KCNC4: variants seen among roughly 807,000 people sequenced by gnomAD.
KCNC4 encodes voltage-gated potassium channel KCNC4.
A neutral mutation model predicts 42.8 loss-of-function variants in KCNC4; 23 were observed. The observed-to-expected ratio is 0.54, with a 90% CI of 0.39 to 0.76. KCNC4 has a LOEUF of 0.76. Among genes scored for constraint, KCNC4 ranks in the 30% least tolerant of loss-of-function variants. The probability of loss-of-function intolerance (pLI) is 0.00; values close to 1 mark genes in which losing one functional copy is unlikely to be tolerated. For missense variants in KCNC4, 751 were observed against 898.2 expected (o/e 0.84, Z 2.10); for synonymous variants, 422 against 393.5 (o/e 1.07, Z -0.86).
chr1:110,236,483 A>G (rs1658910708), downstream of KCNC4: 1 of 152,288 alleles, frequency 6.6e-6, no homozygotes, highest in East Asian at 1.9e-4. Context: ...TAGCAAAGGT[A>G]TTGTTTTCCC....
At chr1:110,218,787 C>T (rs918496049) in intron 1 of KCNC4, among the ~76,000 whole-genome samples, 8 of 152,078 alleles carry the variant, frequency 5.3e-5, no homozygotes, top group East Asian at 3.8e-4. Flanking sequence ...GACAGTCCAA[C>T]GGTGGGGTTG....
At chr1:110,282,088 G>C (rs1659838182) in intron 1 of KCNC4, among the ~76,000 whole-genome samples, 2 of 152,210 alleles carry the variant, frequency 1.3e-5, no homozygotes. Context: ...TCTGCCAGGT[G>C]GCTCCCAGGG....
chr1:110,274,156 A>G (rs1327212699), intron 1 of KCNC4, among the ~76,000 whole-genome samples: 3 of 152,214 alleles, frequency 2.0e-5, no homozygotes. Context: ...AGGATACAAA[A>G]TCAACATACA....
intron 2 of KCNC4, chr1:110,224,147 T>A (rs1052621830): frequency 4.5e-5 from 23 of 511,038 alleles, no homozygotes; most frequent in African/African-American, 4.0e-4. Flanking sequence ...TGATGGGCAG[T>A]ACATGGGGCT....
chr1:110,229,987 C>T (rs960260994), intron 3 of KCNC4, among the ~76,000 whole-genome samples: 4 of 152,164 alleles, frequency 2.6e-5, no homozygotes, highest in African/African-American at 9.7e-5. Context: ...GGCAGGGCAG[C>T]GTCGGGGCTG....
intron 1 of KCNC4, among the ~76,000 whole-genome samples, chr1:110,270,538 A>C (rs1296852260): frequency 2.0e-5 from 3 of 152,198 alleles, no homozygotes; most frequent in Non-Finnish European, 4.4e-5. Flanking sequence ...AGTTGTCCCC[A>C]TATGTGTCTA....
chr1:110,257,642 A>G (rs903633273), intron 1 of KCNC4, among the ~76,000 whole-genome samples: 20 of 150,308 alleles, frequency 1.3e-4, no homozygotes, highest in Non-Finnish European at 2.4e-4. Context: ...AATGGCGTGA[A>G]CCCAGAAGGT....
chr1:110,251,218 C>T (rs569286326), downstream of KCNC4, among the ~76,000 whole-genome samples: 6 of 152,286 alleles, frequency 3.9e-5, no homozygotes, highest in South Asian at 2.1e-4. Context: ...CCACAGGCCA[C>T]GAACGTTGTT....
At chr1:110,222,556 T>G (rs1191381411) in intron 1 of KCNC4, 2 of 196,608 alleles carry the variant, frequency 1.0e-5, no homozygotes, top group Non-Finnish European at 2.1e-5. Flanking sequence ...CTCACCTGAG[T>G]GCTTATTACA....
intron 1 of KCNC4, among the ~76,000 whole-genome samples, chr1:110,256,183 C>T (rs1439324604): frequency 6.6e-6 from 1 of 152,288 alleles, no homozygotes; most frequent in Middle Eastern, 3.4e-3. Flanking sequence ...CCACTTTCCT[C>T]CTGCATTCGA....
At chr1:110,249,829 C>T (rs565750751), downstream of KCNC4, among the ~76,000 whole-genome samples, 1 of 152,194 alleles carries the variant, frequency 6.6e-6, no homozygotes, top group Non-Finnish European at 1.5e-5. Context: ...ACCTATATAG[C>T]CATCCATCTC....
chr1:110,255,927 G>A (rs1659321222), intron 1 of KCNC4, among the ~76,000 whole-genome samples: 1 of 152,224 alleles, frequency 6.6e-6, no homozygotes, highest in South Asian at 2.1e-4. Context: ...TCCACAAAGG[G>A]ATTTGGCCAC....
In KCNC4 at chr1:110,213,980, T is replaced by C. The variant is rs147726287; in HGVS notation, c.678+1803T>C. On this transcript the variant is annotated intron_variant, in intron 1 of 3. Coordinates refer to ENST00000438661, the MANE Select transcript of KCNC4 (RefSeq NM_001039574.3). Reference sequence around the variant, plus strand: ...GCATTCTGGGACTTCTAGGGGCTTTTCACCTGCTCTTCTTCCCCTCTGGAA... The same window carrying C: ...GCATTCTGGGACTTCTAGGGGCTTTCCACCTGCTCTTCTTCCCCTCTGGAA... 1.7e-3 allele frequency among the ~76,000 whole-genome samples: 254 copies of C among 152,308 alleles called. 1 individual carries two copies. The highest frequency in any genetic ancestry group is 5.7e-3 in the African/African-American group (236 of 41,562).
chr1:110,230,483 C>G (rs1658636312), intron 3 of KCNC4, among the ~76,000 whole-genome samples: 1 of 152,214 alleles, frequency 6.6e-6, no homozygotes, highest in Admixed American at 6.5e-5. Context: ...TCTGACTTGC[C>G]TTTCTGGTTC....
chr1:110,271,708 C>T (rs965981310), intron 1 of KCNC4, among the ~76,000 whole-genome samples: 3 of 151,542 alleles, frequency 2.0e-5, no homozygotes, highest in East Asian at 1.9e-4. Flanking sequence ...TCCAGTTTTG[C>T]TAGGAAGCAA....
At chr1:110,225,913 T>G (rs1217239561) in intron 2 of KCNC4, 62 bp from the exon 3 acceptor site, 1 of 1,454,256 alleles carries the variant, frequency 6.9e-7, no homozygotes, top group East Asian at 2.3e-5. Flanking sequence ...AGACCCCAGA[T>G]GACCCATGAG....
rs551622995 is a variant in KCNC4, at chr1:110,263,825, G to A, written n.31-18709G>A. On this transcript the variant is annotated intron_variant and non_coding_transcript_variant, in intron 1 of 2. Transcript: ENST00000412512. ...CAATCTCTAGCAAGCTTTCAGTGAG[G>A]GGGGGGAGCTGAATGGGGGTCTCCA... 1.6e-3 allele frequency among the ~76,000 whole-genome samples: 118 copies of A among 72,280 alleles called. 3 individuals carry two copies. The South Asian group carries it at 0.044, about 27-fold the overall frequency. The allele number at this position is 72,280 out of a possible 152,430, so 47.4% of individuals were successfully genotyped here. A position where few individuals can be genotyped will look rare whatever the true frequency, so the allele number is the denominator to read the frequency against.
At chr1:110,282,529 G>A (rs1012686694) in intron 1 of KCNC4, 2 of 152,386 alleles carry the variant, frequency 1.3e-5, no homozygotes, top group Non-Finnish European at 1.5e-5. Context: ...TTGCACCCCT[G>A]TCAGCTCTCA....
At position 110,255,962 on chromosome 1, in the gene KCNC4, C is replaced by T. The variant is rs183013809; in HGVS notation, n.31-26572C>T. Among the ~76,000 whole-genome samples the T allele has an allele frequency of 3.3e-5, 5 of 152,308 alleles. No individual in the cohort carries two copies. In the East Asian group the frequency reaches 7.7e-4, roughly 23 times the overall value. On this transcript the variant is annotated intron_variant and non_coding_transcript_variant, in intron 1 of 2. Coordinates refer to the KCNC4 transcript ENST00000412512. ...CCCAAGAAGCAGTCTAGAAGCTGCT[C>T]AGGGAGGAAGGTGGCAGGGCCATTT...
Sources: allele counts gnomAD v4.1 joint callset (sites outside exome capture counted in the v4.1 genomes callset), GRCh38; gene constraint gnomAD v4.1.1; transcripts MANE v1.5; gene names NCBI Gene and HGNC (gene_info 2026-07-23, HGNC 2026-07-21).